The following ADAMTSL1 variants were observed in gnomAD, a reference collection of about 807,000 sequenced individuals.
The protein encoded by ADAMTSL1 is ADAMTS like 1, also known as ADAMTS-like protein 1.
ADAMTSL1 carries 126 observed loss-of-function variants against 201.8 expected under a neutral mutation model. The observed-to-expected ratio is 0.62, with a 90% CI of 0.54 to 0.72. The LOEUF (loss-of-function observed/expected upper bound fraction) is 0.72, where lower values mean the gene tolerates loss of function less well. Ranked by LOEUF, ADAMTSL1 falls within the 30% of genes least tolerant of loss-of-function variation. The pLI is 0.00. For synonymous variants in ADAMTSL1, 1,121 were observed against 903.4 expected, an observed-to-expected ratio of 1.24 and a Z score of -4.32; for missense variants, 2,679 against 2,277.8, an observed-to-expected ratio of 1.18 and a Z score of -3.59.
At position 18,465,035 on chromosome 9, in the gene ADAMTSL1, A is replaced by C. The variant is rs200377347; in HGVS notation, c.208-39794A>C. Among the ~76,000 whole-genome samples the C allele has an allele frequency of 3.9e-5, 6 of 152,374 alleles. No individual in the cohort carries two copies. In the East Asian group the frequency reaches 1.2e-3, roughly 29 times the overall value. On this transcript the variant is annotated intron_variant, in intron 2 of 29. Transcript: ENST00000680146. ...TTGATCATTATGTTCTGAGAATTCA[A>C]TGTAGGGATTCCTATGTAATTAAGC...
intron 1 of ADAMTSL1, among the ~76,000 whole-genome samples, chr9:17,909,147 C>G (rs10963328): frequency 1.2e-4 from 16 of 136,626 alleles, no homozygotes; most frequent in African/African-American, 3.8e-4. Flanking sequence ...TCATGTCCTT[C>G]GCCCACTTTT....
intron 2 of ADAMTSL1, among the ~76,000 whole-genome samples, chr9:18,175,572 A>C (rs1028239220): frequency 6.6e-6 from 1 of 152,182 alleles, no homozygotes; most frequent in Non-Finnish European, 1.5e-5. Context: ...TCTTAGCTTC[A>C]ACTTTCTGAG....
intron 14 of ADAMTSL1, among the ~76,000 whole-genome samples, chr9:18,719,798 A>C (rs1833222622): frequency 6.6e-6 from 1 of 152,206 alleles, no homozygotes; most frequent in Admixed American, 6.5e-5. Context: ...TCAACCTAGG[A>C]AGTATTAGCT....
intron 2 of ADAMTSL1, among the ~76,000 whole-genome samples, chr9:18,382,287 G>A (rs769933581): frequency 1.2e-4 from 19 of 152,266 alleles, no homozygotes; most frequent in Non-Finnish European, 2.8e-4. Context: ...ACGTCTTTCT[G>A]TAGTGAACTC....
intron 1 of ADAMTSL1, among the ~76,000 whole-genome samples, chr9:17,948,345 C>T (rs1202061415): frequency 1.3e-5 from 2 of 152,188 alleles, no homozygotes; most frequent in African/African-American, 4.8e-5. Context: ...TGCTTCTCTG[C>T]ATTTTCCATT....
At position 18,718,432 on chromosome 9, in the gene ADAMTSL1, A is replaced by G. The variant is rs115941295; in HGVS notation, c.1877-3104A>G. The stretch of plus-strand genomic sequence containing the variant: ...CTATAAGAATCTTCTATCATAGGAC[A>G]TATTTTTCAACAAAAATTCCTTGAA... On this transcript the variant is annotated intron_variant, in intron 14 of 28. Transcript: ENST00000380548. The G allele has an allele frequency of 7.2e-4, 460 of 641,842 alleles. 4 individuals are homozygous for G. Among genetic ancestry groups the G allele is most frequent in the African/African-American group, 7.0e-3 (391 of 55,564 alleles). 39.8% of individuals were successfully genotyped at this position (641,842 alleles called of 1,614,324 possible).
At chr9:18,320,024 G>A (rs537745042) in intron 2 of ADAMTSL1, among the ~76,000 whole-genome samples, 41 of 152,202 alleles carry the variant, frequency 2.7e-4, no homozygotes, top group African/African-American at 9.6e-4. Flanking sequence ...ACCAAGAAAT[G>A]AAGTGGCCGC....
chr9:18,597,580 C>A (rs1708070813), intron 4 of ADAMTSL1, among the ~76,000 whole-genome samples: 1 of 152,194 alleles, frequency 6.6e-6, no homozygotes. Flanking sequence ...ATTCAGGAAG[C>A]CTTTTTGAGA....
intron 1 of ADAMTSL1, among the ~76,000 whole-genome samples, chr9:18,142,177 C>T (rs990004827): frequency 1.3e-5 from 2 of 152,210 alleles, no homozygotes; most frequent in Non-Finnish European, 2.9e-5. Flanking sequence ...GCGGTATCTT[C>T]TACCATCAAG....
At chr9:18,187,893 C>T (rs1172205037) in intron 2 of ADAMTSL1, among the ~76,000 whole-genome samples, 1 of 152,016 alleles carries the variant, frequency 6.6e-6, no homozygotes, top group Non-Finnish European at 1.5e-5. Flanking sequence ...ATGTATATAT[C>T]CCGTGTTTCA....
intron 2 of ADAMTSL1, among the ~76,000 whole-genome samples, chr9:18,438,471 T>C (rs1819848952): frequency 6.6e-6 from 1 of 151,992 alleles, no homozygotes; most frequent in Non-Finnish European, 1.5e-5. Context: ...TGGCCAGGGA[T>C]GTTTTTGCTT....
chr9:18,894,677 G>C (rs901875547), intron 26 of ADAMTSL1, among the ~76,000 whole-genome samples: 2 of 152,152 alleles, frequency 1.3e-5, no homozygotes, highest in African/African-American at 4.8e-5. Context: ...TTTAGTATGA[G>C]ATATCTAAGT....
At chr9:18,681,705 G>GGGGGGGGGGC in intron 11 of ADAMTSL1, 107 bp from the exon 12 acceptor site, 1 of 721,092 alleles carries the variant, frequency 1.4e-6, no homozygotes, top group Middle Eastern at 4.6e-4. Flanking sequence ...TGTGGGGGGG[G>GGGGGGGGGGC]GGGGCGGGGA....
chr9:18,667,171 C>A (rs1053282219), intron 9 of ADAMTSL1, among the ~76,000 whole-genome samples: 2 of 151,538 alleles, frequency 1.3e-5, no homozygotes, highest in African/African-American at 4.8e-5. Context: ...AATGCCCAAA[C>A]TTGTATACCC....
At chr9:18,239,845 A>G (rs974304263) in intron 2 of ADAMTSL1, among the ~76,000 whole-genome samples, 2 of 152,116 alleles carry the variant, frequency 1.3e-5, no homozygotes, top group Non-Finnish European at 2.9e-5. Flanking sequence ...TATCCATAAG[A>G]AGCAACTCTT....
intron 2 of ADAMTSL1, among the ~76,000 whole-genome samples, chr9:18,456,810 C>T (rs896330760): frequency 1.3e-5 from 2 of 152,174 alleles, no homozygotes; most frequent in African/African-American, 4.8e-5. Context: ...CTGATTTGCA[C>T]TTCAACCCCA....
chr9:18,311,366 A>T (rs1177659490), intron 2 of ADAMTSL1, among the ~76,000 whole-genome samples: 1 of 152,024 alleles, frequency 6.6e-6, no homozygotes, highest in Non-Finnish European at 1.5e-5. Context: ...AAAAAGTATA[A>T]TCCTTCAGAA....
At chr9:18,681,693 C>CGG in intron 11 of ADAMTSL1, 119 bp from the exon 12 acceptor site, 3 of 293,582 alleles carry the variant, frequency 1.0e-5, no homozygotes, top group Non-Finnish European at 1.6e-5. Context: ...CAGGAGTCCT[C>CGG]GTGTGGGGGG....
intron 14 of ADAMTSL1, among the ~76,000 whole-genome samples, chr9:18,720,292 C>G (rs1016024578): frequency 6.6e-6 from 1 of 152,200 alleles, no homozygotes; most frequent in African/African-American, 2.4e-5. Flanking sequence ...TTCACCCTTC[C>G]CAGCCTGTTT....
Sources: gnomAD v4.1 joint callset for allele counts (sites outside exome capture counted in the v4.1 genomes callset) on GRCh38, gnomAD v4.1.1 for gene constraint, MANE v1.5 for transcripts, NCBI Gene and HGNC (gene_info 2026-07-23, HGNC 2026-07-21) for gene names.